Variants in SLC24A2 observed in about 807,000 individuals in gnomAD.
The protein encoded by SLC24A2 is solute carrier family 24 member 2.
A neutral mutation model predicts 62.0 loss-of-function variants in SLC24A2; 36 were observed. That is an observed-to-expected ratio of 0.58 (90% CI 0.44 to 0.77). SLC24A2 has a LOEUF of 0.77. Ranked by LOEUF, SLC24A2 falls within the 30% of genes least tolerant of loss-of-function variation. SLC24A2 has a pLI of 0.00. For missense variants in SLC24A2, 846 were observed against 817.9 expected (o/e 1.03, Z -0.42); for synonymous variants, 358 against 294.0 (o/e 1.22, Z -2.23).
the SLC24A2 span, among the ~76,000 whole-genome samples, chr9:20,105,252 G>A: frequency 6.6e-6 from 1 of 152,134 alleles, no homozygotes; most frequent in Non-Finnish European, 1.5e-5. Flanking sequence ...AATAATGGGA[G>A]ACTTTAACAC....
chr9:19,521,546 C>G (rs1238457503), intron 9 of SLC24A2, among the ~76,000 whole-genome samples: 4 of 152,190 alleles, frequency 2.6e-5, no homozygotes, highest in Non-Finnish European at 4.4e-5. Context: ...CTTCAAGATG[C>G]TATAATTTCC....
At chr9:19,558,743 G>A (rs188474538) in intron 7 of SLC24A2, among the ~76,000 whole-genome samples, 1 of 152,316 alleles carries the variant, frequency 6.6e-6, no homozygotes, top group East Asian at 1.9e-4. Flanking sequence ...CTTTAAACAA[G>A]GAACTATCCT....
the SLC24A2 span, among the ~76,000 whole-genome samples, chr9:20,139,103 A>C: frequency 2.0e-5 from 3 of 152,234 alleles, no homozygotes; most frequent in African/African-American, 7.2e-5. Context: ...GAGAACTCAG[A>C]GGCTGCAAAT....
chr9:20,282,245 A>G, the SLC24A2 span, among the ~76,000 whole-genome samples: 2 of 152,224 alleles, frequency 1.3e-5, no homozygotes, highest in African/African-American at 4.8e-5. Context: ...ATAGGCCCCA[A>G]GAAACCTTTT....
At chr9:19,866,975 A>G in the SLC24A2 span, among the ~76,000 whole-genome samples, 1 of 152,102 alleles carries the variant, frequency 6.6e-6, no homozygotes, top group African/African-American at 2.4e-5. Flanking sequence ...AAATGAATAA[A>G]TGAATAAGTC....
chr9:19,512,788 C>T lies in SLC24A2; in HGVS notation c.*3365G>A, dbSNP rs912868869. The T allele has an allele frequency of 1.2e-4, 19 of 152,060 alleles. No homozygotes were observed. Among genetic ancestry groups the T allele is most frequent in the Non-Finnish European group, 1.9e-4 (13 of 68,032 alleles). The allele number at this position is 152,060 out of a possible 1,614,324, so 9.4% of individuals were successfully genotyped here. A position where few individuals can be genotyped will look rare whatever the true frequency, so the allele number is the denominator to read the frequency against. On this transcript the variant is annotated 3_prime_UTR_variant, in exon 11 of 11. Transcript: ENST00000341998. ...TCTTGAATTGTTGATATCTTTTATA[C>T]CCTGCTCCAGAGAAGCAAAGAGAGT...
chr9:20,149,106 C>T, the SLC24A2 span, among the ~76,000 whole-genome samples: 1 of 152,004 alleles, frequency 6.6e-6, no homozygotes, highest in Admixed American at 6.6e-5. Context: ...TTATGAAACA[C>T]TGAGCAGATT....
At chr9:20,064,887 A>G in the SLC24A2 span, among the ~76,000 whole-genome samples, 14 of 152,276 alleles carry the variant, frequency 9.2e-5, 1 homozygote, top group African/African-American at 2.9e-4. Flanking sequence ...CACTGGAATG[A>G]CAGTTGATGT....
the SLC24A2 span, among the ~76,000 whole-genome samples, chr9:20,184,951 G>T: frequency 6.6e-6 from 1 of 152,068 alleles, no homozygotes; most frequent in Non-Finnish European, 1.5e-5. Flanking sequence ...CAACAACATG[G>T]ATATATCTGG....
intron 2 of SLC24A2, among the ~76,000 whole-genome samples, chr9:19,768,220 A>G (rs548002945): frequency 4.6e-5 from 7 of 152,318 alleles, no homozygotes; most frequent in African/African-American, 1.4e-4. Flanking sequence ...TAGCAACTCT[A>G]TATTTTTCTT....
intron 2 of SLC24A2, among the ~76,000 whole-genome samples, chr9:19,769,795 C>T (rs1051158360): frequency 6.6e-6 from 1 of 152,034 alleles, no homozygotes; most frequent in East Asian, 2.0e-4. Flanking sequence ...AAAGATGGCA[C>T]CTTTCTTTTT....
chr9:19,797,290 A>C, the SLC24A2 span, among the ~76,000 whole-genome samples: 1 of 152,190 alleles, frequency 6.6e-6, no homozygotes, highest in Non-Finnish European at 1.5e-5. Flanking sequence ...GTATCTTTGA[A>C]TTAATGAGAC....
intron 7 of SLC24A2, among the ~76,000 whole-genome samples, chr9:19,557,353 C>G (rs7025691): frequency 0.057 from 8,711 of 152,208 alleles, 816 homozygotes; most frequent in African/African-American, 0.2. Context: ...GAGAAGCAAA[C>G]CTTCTTGGAA....
chr9:20,109,851 A>G, the SLC24A2 span, among the ~76,000 whole-genome samples: 1 of 152,002 alleles, frequency 6.6e-6, no homozygotes, highest in Non-Finnish European at 1.5e-5. Context: ...AAATAATACC[A>G]ATCAAATTTC....
At chr9:20,154,837 G>A in the SLC24A2 span, among the ~76,000 whole-genome samples, 1 of 151,676 alleles carries the variant, frequency 6.6e-6, no homozygotes, top group African/African-American at 2.4e-5. Flanking sequence ...TCCTCTGTGT[G>A]TCACGGCCCT....
intron 2 of SLC24A2, among the ~76,000 whole-genome samples, chr9:19,765,186 A>G (rs546176986): frequency 3.3e-4 from 50 of 151,650 alleles, no homozygotes; most frequent in Admixed American, 2.6e-3. Context: ...GAGCCTATGT[A>G]TGTATTTGCA....
chr9:20,300,960 T>C, the SLC24A2 span, among the ~76,000 whole-genome samples: 1 of 152,164 alleles, frequency 6.6e-6, no homozygotes, highest in Non-Finnish European at 1.5e-5. Flanking sequence ...AAGTACAACA[T>C]ACACACACAA....
chr9:20,286,586 G>A, the SLC24A2 span, among the ~76,000 whole-genome samples: 2 of 152,212 alleles, frequency 1.3e-5, no homozygotes, highest in Admixed American at 1.3e-4. Context: ...GCAAGGGGGG[G>A]CTGAGATCTG....
the SLC24A2 span, among the ~76,000 whole-genome samples, chr9:20,019,727 T>C: frequency 6.6e-5 from 10 of 152,088 alleles, 1 homozygote; most frequent in Non-Finnish European, 1.5e-4. Flanking sequence ...AAATGGGATC[T>C]AATTAAACTA....
Sources: allele counts gnomAD v4.1 joint callset (sites outside exome capture counted in the v4.1 genomes callset), GRCh38; gene constraint gnomAD v4.1.1; transcripts MANE v1.5; gene names NCBI Gene and HGNC (gene_info 2026-07-23, HGNC 2026-07-21).